NOS1AP: variants seen among roughly 807,000 people sequenced by gnomAD.
The protein encoded by NOS1AP is nitric oxide synthase 1 adaptor protein, also known as carboxyl-terminal PDZ ligand of neuronal nitric oxide synthase protein.
NOS1AP carries 21 observed loss-of-function variants against 56.2 expected under a neutral mutation model. The observed-to-expected ratio is 0.37, with a 90% confidence interval of 0.26 to 0.54. NOS1AP has a LOEUF of 0.54. Ranked by LOEUF, NOS1AP falls within the 20% of genes least tolerant of loss-of-function variation. The pLI, the probability that NOS1AP is intolerant of heterozygous loss-of-function variation, is 0.84. For missense variants in NOS1AP, 522 were observed against 657.8 expected, an observed-to-expected ratio of 0.79 and a Z score of 2.26; for synonymous variants, 270 against 274.6, an observed-to-expected ratio of 0.98 and a Z score of 0.17.
chr1:162,315,882 G>T (rs1171226568), intron 4 of NOS1AP, among the ~76,000 whole-genome samples: 1 of 152,216 alleles, frequency 6.6e-6, no homozygotes, highest in Non-Finnish European at 1.5e-5. Context: ...ACCCTAAGGT[G>T]CTATACAGCC....
intron 1 of NOS1AP, among the ~76,000 whole-genome samples, chr1:162,119,169 C>T (rs752992711): frequency 5.3e-5 from 8 of 152,022 alleles, no homozygotes; most frequent in Admixed American, 1.3e-4. Flanking sequence ...TCATAATAAC[C>T]GGAAGAGAGG....
intron 2 of NOS1AP, among the ~76,000 whole-genome samples, chr1:162,222,602 C>A (rs1259068311): frequency 1.3e-5 from 2 of 152,174 alleles, no homozygotes; most frequent in African/African-American, 4.8e-5. Flanking sequence ...GCTAACTCTG[C>A]CTCAACTGTG....
At chr1:162,134,387 T>C (rs1380239073) in intron 1 of NOS1AP, among the ~76,000 whole-genome samples, 1 of 150,148 alleles carries the variant, frequency 6.7e-6, no homozygotes, top group Non-Finnish European at 1.5e-5. Context: ...CTGGGGAGGC[T>C]GAGGCATGAA....
chr1:162,341,692 C>T (rs986978670), intron 5 of NOS1AP, among the ~76,000 whole-genome samples: 5 of 152,240 alleles, frequency 3.3e-5, no homozygotes, highest in South Asian at 2.1e-4. Context: ...TTGCCGTAGA[C>T]GATTAACCAT....
intron 2 of NOS1AP, among the ~76,000 whole-genome samples, chr1:162,222,521 A>G (rs973230805): frequency 3.3e-5 from 5 of 152,206 alleles, no homozygotes; most frequent in Admixed American, 1.3e-4. Flanking sequence ...ATATTGGTGC[A>G]TCTTTCATCA....
intron 3 of NOS1AP, among the ~76,000 whole-genome samples, chr1:162,290,321 C>T (rs570121315): frequency 1.3e-5 from 2 of 152,304 alleles, no homozygotes; most frequent in African/African-American, 4.8e-5. Flanking sequence ...CCTTTAACCA[C>T]GGGGTTCATT....
At chr1:162,353,553 C>T (rs1181276093) in intron 6 of NOS1AP, among the ~76,000 whole-genome samples, 3 of 152,190 alleles carry the variant, frequency 2.0e-5, no homozygotes, top group African/African-American at 7.2e-5. Flanking sequence ...ACATTACTTA[C>T]TTTGTCAGTA....
chr1:162,300,790 C>T (rs1243861366), intron 4 of NOS1AP, 84 bp downstream of exon 4: 11 of 1,178,066 alleles, frequency 9.3e-6, no homozygotes, highest in Non-Finnish European at 5.1e-6. Context: ...GCTGGTGGAT[C>T]CAGGCAAATT....
chr1:162,225,009 T>A (rs1471385103), intron 2 of NOS1AP, among the ~76,000 whole-genome samples: 3 of 152,240 alleles, frequency 2.0e-5, no homozygotes, highest in African/African-American at 4.8e-5. Flanking sequence ...AGCTTTCTTC[T>A]TGGCAACCAT....
intron 3 of NOS1AP, among the ~76,000 whole-genome samples, chr1:162,296,493 G>A (rs1161052986): frequency 6.6e-6 from 1 of 152,150 alleles, no homozygotes; most frequent in Non-Finnish European, 1.5e-5. Context: ...AAATTAGTAA[G>A]TTGGTGAAAA....
intron 2 of NOS1AP, among the ~76,000 whole-genome samples, chr1:162,251,340 T>C: frequency 6.6e-6 from 1 of 152,074 alleles, no homozygotes; most frequent in East Asian, 1.9e-4. Flanking sequence ...CTGATCCCCA[T>C]GCCATTCACT....
intron 1 of NOS1AP, among the ~76,000 whole-genome samples, chr1:162,080,983 AGTAGTGG>A: frequency 6.6e-6 from 1 of 152,282 alleles, no homozygotes; most frequent in East Asian, 1.9e-4. Flanking sequence ...GTCTACATCT[AGTAGTGG>A]GTAGATCCCA....
At chr1:162,335,203 C>T (rs940912346) in intron 5 of NOS1AP, among the ~76,000 whole-genome samples, 3 of 152,178 alleles carry the variant, frequency 2.0e-5, no homozygotes, top group Admixed American at 6.5e-5. Flanking sequence ...TTTCCTATAC[C>T]GCTTTCATCC....
At chr1:162,144,675 GCCT>G (rs1253926499) in intron 1 of NOS1AP, among the ~76,000 whole-genome samples, 1 of 152,160 alleles carries the variant, frequency 6.6e-6, no homozygotes, top group Non-Finnish European at 1.5e-5. Flanking sequence ...GTACAGCCCG[GCCT>G]CTGCCTCACA....
intron 2 of NOS1AP, among the ~76,000 whole-genome samples, chr1:162,194,720 C>T (rs759722600): frequency 3.9e-5 from 6 of 152,150 alleles, no homozygotes; most frequent in Non-Finnish European, 8.8e-5. Context: ...GACAGTGTCT[C>T]GCCAACAGCC....
At chr1:162,208,411 C>T (rs192393650) in intron 2 of NOS1AP, among the ~76,000 whole-genome samples, 5 of 152,276 alleles carry the variant, frequency 3.3e-5, no homozygotes, top group South Asian at 2.1e-4. Flanking sequence ...GTTCCTGACA[C>T]ATACATATCC....
intron 4 of NOS1AP, chr1:162,316,901 G>T: frequency 6.0e-6 from 1 of 165,916 alleles, no homozygotes; most frequent in South Asian, 1.9e-4. Context: ...CAGGCCATCT[G>T]GATGTATATG....
At chr1:162,265,298 T>C (rs1251016102) in intron 2 of NOS1AP, among the ~76,000 whole-genome samples, 4 of 150,990 alleles carry the variant, frequency 2.6e-5, no homozygotes, top group Non-Finnish European at 5.9e-5. Flanking sequence ...TACATATATA[T>C]ACATGTGCCA....
chr1:162,098,798 A>T (rs944496827), intron 1 of NOS1AP, among the ~76,000 whole-genome samples: 2 of 152,200 alleles, frequency 1.3e-5, no homozygotes, highest in Non-Finnish European at 2.9e-5. Context: ...TTTGCTGAGG[A>T]TAATGGCTTC....
Sources: gnomAD v4.1 joint callset for allele counts (sites outside exome capture counted in the v4.1 genomes callset) on GRCh38, gnomAD v4.1.1 for gene constraint, MANE v1.5 for transcripts, NCBI Gene and HGNC (gene_info 2026-07-23, HGNC 2026-07-21) for gene names.